The following RASGRP3 variants were observed in gnomAD, a reference collection of about 807,000 sequenced individuals.
RASGRP3 encodes the protein RAS guanyl releasing protein 3.
Under a neutral mutation model 82.7 loss-of-function variants are expected in RASGRP3, and 54 were observed. The observed-to-expected ratio is 0.65, with a 90% CI of 0.52 to 0.82. The LOEUF is 0.82. Among genes scored for constraint, RASGRP3 ranks in the 40% least tolerant of loss-of-function variants. RASGRP3 has a pLI of 0.00. For synonymous variants in RASGRP3, 309 were observed against 300.5 expected (o/e 1.03, Z -0.29); for missense variants, 861 against 828.9 (o/e 1.04, Z -0.48).
At position 33,515,204 on chromosome 2, in the gene RASGRP3, T is replaced by TTGGTA. The variant is rs774446401; in HGVS notation, c.69_70+3dup. 6.2e-7 allele frequency: 1 copy of TTGGTA among 1,613,950 alleles called. No homozygotes were observed. The highest frequency in any genetic ancestry group is 2.2e-5 in the East Asian group (1 of 44,886). On this transcript the variant is annotated frameshift_variant and splice_region_variant, in exon 3 of 18. Transcript: ENST00000403687. LOFTEE classifies it high-confidence loss of function. ...CTGCTGTGCACTTGCATTGAGATGT[T>TTGGTA]TGGTACGAGCCTTTTCTCCTTTCAT...
At chr2:33,458,655 C>G (rs1036328507) in intron 2 of RASGRP3, among the ~76,000 whole-genome samples, 2 of 152,108 alleles carry the variant, frequency 1.3e-5, no homozygotes, top group African/African-American at 4.8e-5. Flanking sequence ...AGAGCGGGCT[C>G]TTCAGTTACC....
intron 2 of RASGRP3, among the ~76,000 whole-genome samples, chr2:33,468,802 G>T (rs994371621): frequency 1.3e-5 from 2 of 152,182 alleles, no homozygotes. Flanking sequence ...TATTTTCTTA[G>T]TATAAGTAAT....
At chr2:33,508,219 C>T (rs577709874) in intron 1 of RASGRP3, among the ~76,000 whole-genome samples, 1 of 152,134 alleles carries the variant, frequency 6.6e-6, no homozygotes, top group South Asian at 2.1e-4. Context: ...TTAGAGATGC[C>T]TGAGATTCCA....
upstream of RASGRP3, among the ~76,000 whole-genome samples, chr2:33,471,954 C>A (rs1056496401): frequency 6.6e-6 from 1 of 151,974 alleles, no homozygotes; most frequent in Non-Finnish European, 1.5e-5. Context: ...TTTTGACTTA[C>A]ACTTTTGTAA....
At chr2:33,560,773 G>C (rs1426232010) in intron 17 of RASGRP3, among the ~76,000 whole-genome samples, 1 of 152,220 alleles carries the variant, frequency 6.6e-6, no homozygotes, top group Non-Finnish European at 1.5e-5. Flanking sequence ...GGGCATCTCT[G>C]AATTCAGAGG....
intron 14 of RASGRP3, among the ~76,000 whole-genome samples, chr2:33,550,487 CT>C (rs1675254230): frequency 6.6e-6 from 1 of 152,310 alleles, no homozygotes; most frequent in Non-Finnish European, 1.5e-5. Context: ...CTTCCCCCAC[CT>C]TTGATAATTC....
chr2:33,561,122 A>G (rs1676602474), intron 17 of RASGRP3, among the ~76,000 whole-genome samples: 1 of 149,880 alleles, frequency 6.7e-6, no homozygotes, highest in South Asian at 2.1e-4. Context: ...GGTGGAGTGC[A>G]GTGGCACAAT....
At chr2:33,497,572 T>C (rs1368847082) in intron 1 of RASGRP3, among the ~76,000 whole-genome samples, 1 of 152,240 alleles carries the variant, frequency 6.6e-6, no homozygotes, top group Non-Finnish European at 1.5e-5. Context: ...ATTTTCATTC[T>C]ACAGAAGAAT....
chr2:33,522,202 A>C, intron 7 of RASGRP3, 100 bp downstream of exon 7: 1 of 1,352,788 alleles, frequency 7.4e-7, no homozygotes, highest in Non-Finnish European at 1.0e-6. Context: ...AGCTTCTATC[A>C]CTGTGCTCTG....
intron 2 of RASGRP3, among the ~76,000 whole-genome samples, chr2:33,471,380 C>G (rs544535315): frequency 7.1e-6 from 1 of 140,158 alleles, no homozygotes; most frequent in African/African-American, 2.7e-5. Flanking sequence ...TGGAGTCTCG[C>G]TATGTTGCCC....
chr2:33,462,669 C>T (rs1391985257), intron 2 of RASGRP3, among the ~76,000 whole-genome samples: 4 of 152,186 alleles, frequency 2.6e-5, no homozygotes, highest in Non-Finnish European at 5.9e-5. Context: ...TGAGCCACTG[C>T]GCCGGCCAGA....
rs564602488 is a variant in RASGRP3, at chr2:33,444,970, G to A, written c.-384-2850G>A. On this transcript the variant is annotated intron_variant, in intron 1 of 18. Coordinates refer to the RASGRP3 transcript ENST00000402538. Reference sequence around the variant, plus strand: ...TGCTCCTAATAGTGCCTACAACTTAGTACAAAGAAATAAATCTTTAGCAAT... The same window carrying A: ...TGCTCCTAATAGTGCCTACAACTTAATACAAAGAAATAAATCTTTAGCAAT... Among the ~76,000 whole-genome samples the A allele has an allele frequency of 1.1e-4, 17 of 152,286 alleles. No homozygotes were observed. The South Asian group carries it at 3.3e-3, about 30-fold the overall frequency.
chr2:33,545,998 C>T (rs575137736), intron 13 of RASGRP3, among the ~76,000 whole-genome samples: 20 of 151,366 alleles, frequency 1.3e-4, no homozygotes, highest in Non-Finnish European at 2.1e-4. Flanking sequence ...TCAGTAGAAA[C>T]GAGGTTTCAT....
chr2:33,504,029 T>A (rs560983034), intron 1 of RASGRP3, among the ~76,000 whole-genome samples: 2 of 152,340 alleles, frequency 1.3e-5, no homozygotes, highest in South Asian at 4.1e-4. Context: ...CCCAATCATT[T>A]TCTCTGTCAT....
rs550222233 is a variant in RASGRP3 at position 33,483,682 on chromosome 2, T to C, written c.-261+6975T>C. On this transcript the variant is annotated intron_variant, in intron 1 of 17. Transcript: ENST00000403687. ...TTTTGTATTTTTAGGAGAGACGGGG[T>C]TTTGCCATGTTGATCAGGCTGGTCT... Among the ~76,000 whole-genome samples the C allele has an allele frequency of 1.3e-3, 201 of 152,018 alleles. 1 individual carries two copies. The highest frequency in any genetic ancestry group is 4.6e-3 in the African/African-American group (192 of 41,454).
intron 3 of RASGRP3, among the ~76,000 whole-genome samples, chr2:33,515,992 C>G (rs1671427121): frequency 6.6e-6 from 1 of 152,162 alleles, no homozygotes. Flanking sequence ...ATCATTGTTT[C>G]TCTTAAATTC....
At chr2:33,556,620 A>T (rs1675996697) in intron 15 of RASGRP3, among the ~76,000 whole-genome samples, 1 of 152,158 alleles carries the variant, frequency 6.6e-6, no homozygotes, top group African/African-American at 2.4e-5. Flanking sequence ...ATCACAGAAT[A>T]CCTTCAGATG....
At chr2:33,530,894 C>G (rs1469508707) in intron 10 of RASGRP3, 4 of 152,200 alleles carry the variant, frequency 2.6e-5, no homozygotes, top group African/African-American at 4.8e-5. Context: ...TGCCTTACAT[C>G]CCAATTCACG....
At chr2:33,476,899 G>C (rs1443509322) in intron 1 of RASGRP3, among the ~76,000 whole-genome samples, 192 bp downstream of exon 1, 3 of 142,146 alleles carry the variant, frequency 2.1e-5, no homozygotes, top group African/African-American at 7.6e-5. Context: ...TGTTTTCACA[G>C]CCCTTTTTTA....
Sources: allele counts gnomAD v4.1 joint callset (sites outside exome capture counted in the v4.1 genomes callset), GRCh38; gene constraint gnomAD v4.1.1; transcripts MANE v1.5; gene names NCBI Gene and HGNC (gene_info 2026-07-23, HGNC 2026-07-21).